DUOX1: variants seen among roughly 807,000 people sequenced by gnomAD.
The protein encoded by DUOX1 is NADPH thyroid oxidase 1.
Under a neutral mutation model 181.8 loss-of-function variants are expected in DUOX1, and 134 were observed. The observed-to-expected ratio is 0.74, with a 90% CI of 0.64 to 0.85. The LOEUF is 0.85. DUOX1 is among the 40% of genes least tolerant of loss of function. The pLI is 0.00. For missense variants in DUOX1, 1,814 were observed against 2,064.4 expected (o/e 0.88, Z 2.35); for synonymous variants, 798 against 832.5 (o/e 0.96, Z 0.71).
At chr15:45,146,581 G>A (rs188438573) in intron 18 of DUOX1, among the ~76,000 whole-genome samples, 1 of 151,536 alleles carries the variant, frequency 6.6e-6, no homozygotes, top group African/African-American at 2.4e-5. Context: ...GAGATAAGTA[G>A]GGCAGATGAG....
At chr15:45,147,340 C>A in intron 18 of DUOX1, 93 bp from the exon 19 acceptor site, 2 of 1,494,436 alleles carry the variant, frequency 1.3e-6, no homozygotes, top group Non-Finnish European at 1.8e-6. Context: ...CCTGGGCAGA[C>A]ACCTCAAAAG....
At chr15:45,134,943 C>A (rs1896248828) in intron 4 of DUOX1, among the ~76,000 whole-genome samples, 161 bp from the exon 5 acceptor site, 1 of 152,198 alleles carries the variant, frequency 6.6e-6, no homozygotes, top group Non-Finnish European at 1.5e-5. Flanking sequence ...ACAGAAGAGA[C>A]AAACAACTGG....
intron 30 of DUOX1, 103 bp downstream of exon 30, chr15:45,162,073 C>A: frequency 6.9e-7 from 1 of 1,459,136 alleles, no homozygotes; most frequent in East Asian, 2.5e-5. Flanking sequence ...CTCTCTGCAT[C>A]TAGAGACTGG....
chr15:45,142,767 A>AGAAGGAAGAAAGGAAG (rs1896536157), intron 15 of DUOX1, among the ~76,000 whole-genome samples: 1 of 115,160 alleles, frequency 8.7e-6, no homozygotes, highest in African/African-American at 3.1e-5. Flanking sequence ...AAGGAAGGAA[A>AGAAGGAAGAAAGGAAG]GAAGGAAGGA....
In DUOX1 at chr15:45,151,914, CGA is replaced by C; in HGVS notation, c.3060_3061del (p.Lys1021ValfsTer18). ...FQPLLFTEAH[R>X]EKFQRSCLHQ... ...GCCCTTGCTGTTCACTGAGGCGCACCGAGAGAAGTTCCAACGCAGCTGTCTCC... is the reference window on the plus strand; with the variant it reads ...GCCCTTGCTGTTCACTGAGGCGCACCGAGAAGTTCCAACGCAGCTGTCTCC... On this transcript the variant is annotated frameshift_variant, in exon 24 of 34. Coordinates refer to ENST00000389037, the MANE Select transcript of DUOX1 (RefSeq NM_175940.3). LOFTEE classifies it high-confidence loss of function. 1 of 1,614,052 alleles carries C rather than the reference CGA, an allele frequency of 6.2e-7. No individual in the cohort carries two copies. Among genetic ancestry groups the C allele is most frequent in the Non-Finnish European group, 8.5e-7 (1 of 1,179,992 alleles).
chr15:45,144,320 G>T, intron 17 of DUOX1, 85 bp downstream of exon 17: 1 of 1,432,956 alleles, frequency 7.0e-7, no homozygotes. Flanking sequence ...ATGGGGTCAG[G>T]AGGCAGGAAA....
At chr15:45,156,605 G>A (rs1896975615) in intron 28 of DUOX1, among the ~76,000 whole-genome samples, 1 of 152,010 alleles carries the variant, frequency 6.6e-6, no homozygotes, top group Non-Finnish European at 1.5e-5. Flanking sequence ...GCTAATTTTT[G>A]TATCTTTAGT....
At position 45,141,413 on chromosome 15, in the gene DUOX1, G is replaced by C. The variant is rs1896489559; in HGVS notation, c.1684+3G>C. ...CAATGTCTTTGTCTGGCATAAAGGT[G>C]AGTGGCCAAGGGGTGGCTGGAGGAG... is the stretch of plus-strand genomic sequence containing the variant. On this transcript the variant is annotated splice_donor_region_variant and intron_variant, in intron 14 of 33. Coordinates refer to ENST00000389037, the MANE Select transcript of DUOX1 (RefSeq NM_175940.3). The C allele has an allele frequency of 6.2e-7, 1 of 1,614,190 alleles. No individual in the cohort carries two copies. Among genetic ancestry groups the C allele is most frequent in the East Asian group, 2.2e-5 (1 of 44,892 alleles).
Position 45,161,832 on chromosome 15 carries a change from G to A in DUOX1, c.3951G>A (p.Glu1317=), listed in dbSNP as rs746140973. 4 of 1,613,940 alleles carry A rather than the reference G, an allele frequency of 2.5e-6. No individual in the cohort carries two copies. Among genetic ancestry groups the A allele is most frequent in the Non-Finnish European group, 3.4e-6 (4 of 1,179,966 alleles). Residue 1317 remains glutamate, a synonymous_variant, in exon 30 of 34, where the codon GAG becomes GAA. Coordinates refer to ENST00000389037, the MANE Select transcript of DUOX1 (RefSeq NM_175940.3). ...RIACLALGTT[E]YHPFTLTSAP... ...CTTGCCTGGCTCTGGGGACCACCGA[G>A]TACCACCCCTTCACACTGACCTCTG...
rs762060481 is a variant in DUOX1, at chr15:45,163,624, G to A, written c.4341G>A (p.Leu1447=). The A allele has an allele frequency of 1.9e-6, 3 of 1,614,112 alleles. No individual in the cohort carries two copies. The highest frequency in any genetic ancestry group is 1.7e-6 in the Non-Finnish European group (2 of 1,180,008). ...REVEENDHQD[L]VSVHIYITQL... is the part of the protein sequence containing the mutation. Reference sequence around the variant, plus strand: ...TGGAGGAGAATGACCACCAGGACCTGGTGTCTGTGCACATCTACATCACCC... The same window carrying A: ...TGGAGGAGAATGACCACCAGGACCTAGTGTCTGTGCACATCTACATCACCC... Residue 1447 remains leucine (L), a synonymous_variant, in exon 32 of 34, where the codon CTG becomes CTA. Transcript: ENST00000389037.
chr15:45,150,963 AG>A (rs1162901134), intron 22 of DUOX1, among the ~76,000 whole-genome samples, 159 bp from the exon 23 acceptor site: 2 of 152,232 alleles, frequency 1.3e-5, no homozygotes, highest in Non-Finnish European at 2.9e-5. Context: ...AGGACCCCCA[AG>A]ATCAGACTCT....
In DUOX1 at chr15:45,153,943, C is replaced by T; in HGVS notation, c.3525-8C>T. 6.2e-7 allele frequency: 1 copy of T among 1,612,146 alleles called. No homozygotes were observed. Among genetic ancestry groups the T allele is most frequent in the Non-Finnish European group, 8.5e-7 (1 of 1,178,240 alleles). Reference sequence around the variant, plus strand: ...TCAAGGTGTCTCTTTGCTGTCCCTTCCACACAGGTCTGAGCTCCCCCAGAA... The same window carrying T: ...TCAAGGTGTCTCTTTGCTGTCCCTTTCACACAGGTCTGAGCTCCCCCAGAA... On this transcript the variant is annotated splice_region_variant and splice_polypyrimidine_tract_variant and intron_variant, in intron 26 of 33. Coordinates refer to ENST00000389037, the MANE Select transcript of DUOX1 (RefSeq NM_175940.3).
Position 45,135,541 on chromosome 15 carries a change from C to G in DUOX1, c.563C>G (p.Ala188Gly). ...GGTTCCTCGCATTCCTGGAGCGACG[C>G]GCTGCGGAGCTTCTCCAGGGGACAG... ...IYGSSHSWSD[A>G]LRSFSRGQLA... The change falls in exon 6 of 34, where the codon GCG becomes GGG. Residue 188 changes from alanine to glycine, a missense_variant. Coordinates refer to ENST00000389037, the MANE Select transcript of DUOX1 (RefSeq NM_175940.3). 6.4e-7 allele frequency: 1 copy of G among 1,558,468 alleles called. No homozygotes were observed. Among genetic ancestry groups the G allele is most frequent in the Non-Finnish European group, 8.7e-7 (1 of 1,152,562 alleles).
Position 45,141,921 on chromosome 15 carries a change from G to C in DUOX1, c.1685-54G>C, listed in dbSNP as rs959257538. The C allele has an allele frequency of 3.2e-6, 5 of 1,568,120 alleles. No individual in the cohort carries two copies. The African/African-American group carries it at 6.8e-5, about 21-fold the overall frequency. On this transcript the variant is annotated intron_variant, in intron 14 of 33. Coordinates refer to ENST00000389037, the MANE Select transcript of DUOX1 (RefSeq NM_175940.3). ...CCACCCTAACCTCCTCCGTGATCCT[G>C]TGCCAGCACCTGTGGCCCAGCACCC...
rs752282243 is a variant in DUOX1, at chr15:45,135,574, C to G, written c.596C>G (p.Ser199Trp). 5.1e-6 allele frequency: 8 copies of G among 1,560,604 alleles called. No homozygotes were observed. The Admixed American group carries it at 9.5e-5, about 19-fold the overall frequency. ...AGCTTCTCCAGGGGACAGCTGGCGTCGGGGCCCGACCCCGCTTTTCCCCGA... is the reference window on the plus strand; with the variant it reads ...AGCTTCTCCAGGGGACAGCTGGCGTGGGGGCCCGACCCCGCTTTTCCCCGA... The part of the protein sequence containing the change: ...LRSFSRGQLA[S>W]GPDPAFPRDS... Residue 199 changes from serine (S) to tryptophan (W), a missense_variant, in exon 6 of 34, where the codon TCG (serine) becomes TGG (tryptophan). Physicochemically the swap from Ser to Trp is radical, Grantham distance 177. Coordinates refer to ENST00000389037, the MANE Select transcript of DUOX1 (RefSeq NM_175940.3).
At chr15:45,131,391 T>C (rs541517835) in intron 1 of DUOX1, 1 of 156,176 alleles carries the variant, frequency 6.4e-6, no homozygotes, top group African/African-American at 2.4e-5. Context: ...GTCACTTGCT[T>C]TGAATTAAAC....
Position 45,150,677 on chromosome 15 carries a change from C to T in DUOX1, c.2864C>T (p.Ser955Phe), listed in dbSNP as rs1457625548. ...EVIKDLCRRA[S>F]YISQDMICPS... is the part of the protein sequence containing the mutation. ...ATCAAGGACCTCTGCCGGCGAGCCT[C>T]CTACATCAGCCAGGATATGATCTGG... The change falls in exon 22 of 34, where the codon TCC becomes TTC. Residue 955 changes from serine to phenylalanine, a missense_variant. Ser to Phe is a radical substitution (Grantham distance 155). Around this residue, in one of 5 missense-constraint regions of DUOX1, gnomAD observed 1,064 missense variants for 1,152.9 expected, o/e 0.92. Coordinates refer to ENST00000389037, the MANE Select transcript of DUOX1 (RefSeq NM_175940.3). 5 of 1,613,752 alleles carry T rather than the reference C, an allele frequency of 3.1e-6. No individual in the cohort carries two copies. Among genetic ancestry groups the T allele is most frequent in the Non-Finnish European group, 4.2e-6 (5 of 1,179,960 alleles).
intron 28 of DUOX1, among the ~76,000 whole-genome samples, 194 bp from the exon 29 acceptor site, chr15:45,160,643 C>G (rs1398249368): frequency 6.6e-6 from 1 of 152,214 alleles, no homozygotes; most frequent in African/African-American, 2.4e-5. Flanking sequence ...AGAAAATACT[C>G]TAATTCCTCA....
At position 45,164,861 on chromosome 15, in the gene DUOX1, A is replaced by G; in HGVS notation, c.4616A>G (p.Gln1539Arg). 6.2e-7 allele frequency: 1 copy of G among 1,614,132 alleles called. No homozygotes were observed. Among genetic ancestry groups the G allele is most frequent in the South Asian group, 1.1e-5 (1 of 91,084 alleles). The change falls in exon 34 of 34, where the codon CAG becomes CGG. Residue 1539 changes from glutamine to arginine, a missense_variant. Gln to Arg is a conservative substitution (Grantham distance 43). Transcript: ENST00000389037. Reference sequence around the variant, plus strand: ...AAGGCCTGTCAGCTCATCAACAGGCAGGACCGGACTCACTTCTCCCACCAT... The same window carrying G: ...AAGGCCTGTCAGCTCATCAACAGGCGGGACCGGACTCACTTCTCCCACCAT... Reference protein sequence around the residue: ...VEKACQLINRQDRTHFSHHYE... With the variant: ...VEKACQLINRRDRTHFSHHYE...
Sources: gnomAD v4.1 joint callset for allele counts (sites outside exome capture counted in the v4.1 genomes callset) on GRCh38, gnomAD v4.1.1 for gene constraint, gnomAD v4.1.1 regional missense constraint, MANE v1.5 for transcripts, NCBI Gene and HGNC (gene_info 2026-07-23, HGNC 2026-07-21) for gene names.